The following USP34 variants were observed in gnomAD, a reference collection of about 807,000 sequenced individuals.
The protein encoded by USP34 is ubiquitin specific peptidase 34.
A neutral mutation model predicts 460.3 loss-of-function variants in USP34; 70 were observed. The observed-to-expected ratio is 0.15, with a 90% CI of 0.13 to 0.19. USP34 has a LOEUF of 0.19. Ranked by LOEUF, USP34 falls within the 10% of genes least tolerant of loss-of-function variation. The pLI, the probability that USP34 is intolerant of heterozygous loss-of-function variation, is 1.00. For missense variants in USP34, 3,985 were observed against 4,236.2 expected, an observed-to-expected ratio of 0.94 and a Z score of 1.65; for synonymous variants, 1,647 against 1,405.3, an observed-to-expected ratio of 1.17 and a Z score of -3.85.
In USP34 at chr2:61,188,065, G is replaced by C. The variant is rs377232800; in HGVS notation, c.*37C>G. On this transcript the variant is annotated 3_prime_UTR_variant, in exon 80 of 80. Transcript: ENST00000398571. ...TTATACAAACAGCATGGGGGTTGGG[G>C]GTGAGGGACTTAAAAGTAGACATGC... 1.1e-5 allele frequency: 17 copies of C among 1,582,388 alleles called. No individual in the cohort carries two copies. In the African/African-American group the frequency reaches 2.3e-4, roughly 21 times the overall value.
chr2:61,266,199 C>T (rs1171502274), intron 41 of USP34, 32 bp from the exon 42 acceptor site: 2 of 1,569,758 alleles, frequency 1.3e-6, no homozygotes, highest in Non-Finnish European at 1.7e-6. Context: ...GTTATCTAAA[C>T]TGAGATATTA....
At chr2:61,382,812 C>A (rs968528969) in intron 6 of USP34, among the ~76,000 whole-genome samples, 1 of 152,148 alleles carries the variant, frequency 6.6e-6, no homozygotes, top group Non-Finnish European at 1.5e-5. Context: ...TAAACTGTAA[C>A]CCACCCCCTA....
In USP34 at chr2:61,193,131, A is replaced by G. The variant is rs148101580; in HGVS notation, c.9509-151T>C. 4.2e-4 allele frequency: 252 copies of G among 605,368 alleles called. 1 individual carries two copies. Among genetic ancestry groups the G allele is most frequent in the African/African-American group, 3.9e-3 (207 of 53,172 alleles). The allele number at this position is 605,368 out of a possible 1,614,324, so 37.5% of individuals were successfully genotyped here. Reference sequence around the variant, plus strand: ...ACATAAAGGGGAAAAATTCATTCCAATGTTTAGTGAAATATCTTAGAATGT... The same window carrying G: ...ACATAAAGGGGAAAAATTCATTCCAGTGTTTAGTGAAATATCTTAGAATGT... On this transcript the variant is annotated intron_variant, in intron 75 of 79. Transcript: ENST00000398571.
chr2:61,231,879 CAT>C (rs534833472), intron 58 of USP34, among the ~76,000 whole-genome samples: 323 of 148,846 alleles, frequency 2.2e-3, no homozygotes, highest in African/African-American at 6.8e-3. Context: ...TGATATATAA[CAT>C]ATATATGTAA....
At chr2:61,341,908 G>A (rs896257832) in intron 16 of USP34, among the ~76,000 whole-genome samples, 8 of 151,486 alleles carry the variant, frequency 5.3e-5, no homozygotes, top group African/African-American at 1.9e-4. Flanking sequence ...GACGACAGGT[G>A]CCCGCCATCA....
intron 6 of USP34, among the ~76,000 whole-genome samples, chr2:61,381,265 AAC>A (rs528571272): frequency 1.2e-3 from 74 of 61,078 alleles, no homozygotes; most frequent in Non-Finnish European, 1.5e-3. Flanking sequence ...AAAAAAATAA[AAC>A]ACACACACAC....
In USP34 at chr2:61,308,133, GAA is replaced by G. The variant is rs200101546; in HGVS notation, c.3817+3405_3817+3406del. ...GAAACTCAGATCTGTGCACAGGAAT[GAA>G]AAGTGTCAGAAGTGCTAAATATGTG... On this transcript the variant is annotated intron_variant, in intron 27 of 79. Coordinates refer to ENST00000398571, the MANE Select transcript of USP34 (RefSeq NM_014709.4). Among the ~76,000 whole-genome samples the G allele has an allele frequency of 6.6e-3, 999 of 152,236 alleles. 16 individuals are homozygous for G. Among genetic ancestry groups the G allele is most frequent in the African/African-American group, 0.022 (918 of 41,554 alleles).
In USP34 at chr2:61,206,153, GC is replaced by G. The variant is rs762212733; in HGVS notation, c.9047-30del. ...CAAATATAAAAGCACATATAAATAT[GC>G]CATCTGAGATCAAACTTCCTCACAA... On this transcript the variant is annotated intron_variant, in intron 71 of 79. Transcript: ENST00000398571. The G allele has an allele frequency of 8.3e-6, 13 of 1,568,362 alleles. No homozygotes were observed. In the African/African-American group the frequency reaches 1.4e-4, roughly 16 times the overall value.
chr2:61,431,386 C>A (rs1466926768), intron 1 of USP34, among the ~76,000 whole-genome samples: 2 of 152,148 alleles, frequency 1.3e-5, no homozygotes, highest in Non-Finnish European at 2.9e-5. Context: ...CCACACTCAA[C>A]TAATTATTAA....
chr2:61,356,991 A>C (rs1050994634), intron 10 of USP34, among the ~76,000 whole-genome samples: 1 of 152,242 alleles, frequency 6.6e-6, no homozygotes, highest in Non-Finnish European at 1.5e-5. Flanking sequence ...AGAGAAATAA[A>C]AAGTTCCACA....
At chr2:61,293,172 C>T (rs954579819) in intron 33 of USP34, among the ~76,000 whole-genome samples, 2 of 151,654 alleles carry the variant, frequency 1.3e-5, no homozygotes, top group African/African-American at 4.8e-5. Flanking sequence ...TAAAAAGCAA[C>T]CAAACTTTAT....
At chr2:61,203,076 C>T (rs1687022339) in intron 75 of USP34, 64 bp downstream of exon 75, 2 of 1,374,680 alleles carry the variant, frequency 1.5e-6, no homozygotes, top group Non-Finnish European at 1.9e-6. Flanking sequence ...TTTTTCTCCC[C>T]TTCCTGAATG....
chr2:61,222,318 A>C (rs539635236), intron 65 of USP34, among the ~76,000 whole-genome samples: 4 of 152,308 alleles, frequency 2.6e-5, no homozygotes, highest in African/African-American at 7.2e-5. Flanking sequence ...TGGTTGCTCT[A>C]CTTTTTCTTT....
intron 15 of USP34, among the ~76,000 whole-genome samples, chr2:61,344,297 A>T (rs538677657): frequency 5.3e-5 from 8 of 152,324 alleles, no homozygotes; most frequent in Non-Finnish European, 1.2e-4. Context: ...AGGCAAGATC[A>T]CTAATACTCA....
intron 44 of USP34, among the ~76,000 whole-genome samples, chr2:61,258,142 C>T (rs1358060693): frequency 6.6e-6 from 1 of 151,914 alleles, no homozygotes; most frequent in Non-Finnish European, 1.5e-5. Flanking sequence ...TTGCTTGAGC[C>T]CAGGAGTTCA....
intron 48 of USP34, 111 bp from the exon 49 acceptor site, chr2:61,248,794 T>G: frequency 9.7e-7 from 1 of 1,027,932 alleles, no homozygotes; most frequent in Non-Finnish European, 1.4e-6. Context: ...TTAAGAAGTA[T>G]AGTAGTTCCC....
At chr2:61,384,536 G>C (rs1020901881) in intron 5 of USP34, among the ~76,000 whole-genome samples, 1 of 152,058 alleles carries the variant, frequency 6.6e-6, no homozygotes, top group Non-Finnish European at 1.5e-5. Context: ...AGCCAGGCAT[G>C]GTGTCACATG....
intron 57 of USP34, among the ~76,000 whole-genome samples, chr2:61,233,616 TG>T (rs1365367785): frequency 6.6e-6 from 1 of 152,010 alleles, no homozygotes; most frequent in Admixed American, 6.6e-5. Flanking sequence ...GCTTGAAGCC[TG>T]GAGTTTGAGA....
rs1209047926 is a variant in USP34, at chr2:61,209,302, CATAAAATTCACCATATTATCT to C, written c.8841-346_8841-326del. Among the ~76,000 whole-genome samples the C allele has an allele frequency of 1.1e-4, 16 of 152,158 alleles. No homozygotes were observed. In the East Asian group the frequency reaches 3.1e-3, roughly 29 times the overall value. ...TTCTGATTGTTAAATTCTGGATAATCATAAAATTCACCATATTATCTAAACACTCATCAGCTGGTAATTAAA... is the reference window on the plus strand; with the variant it reads ...TTCTGATTGTTAAATTCTGGATAATCAAACACTCATCAGCTGGTAATTAAA... On this transcript the variant is annotated intron_variant, in intron 69 of 79. Transcript: ENST00000398571.
Sources: gnomAD v4.1 joint callset for allele counts (sites outside exome capture counted in the v4.1 genomes callset) on GRCh38, gnomAD v4.1.1 for gene constraint, MANE v1.5 for transcripts, NCBI Gene and HGNC (gene_info 2026-07-23, HGNC 2026-07-21) for gene names.